PRKCA: variants seen among roughly 807,000 people sequenced by gnomAD.
PRKCA encodes protein kinase C alpha type.
PRKCA carries 27 observed loss-of-function variants against 87.0 expected under a neutral mutation model. The observed-to-expected ratio is 0.31, with a 90% CI of 0.23 to 0.43. The LOEUF (loss-of-function observed/expected upper bound fraction) is 0.43. Ranked by LOEUF, PRKCA falls within the 20% of genes least tolerant of loss-of-function variation. The probability of loss-of-function intolerance (pLI) is 1.00; values close to 1 mark genes in which losing one functional copy is unlikely to be tolerated. For synonymous variants in PRKCA, 329 were observed against 311.1 expected, an observed-to-expected ratio of 1.06 and a Z score of -0.61; for missense variants, 518 against 852.3, an observed-to-expected ratio of 0.61 and a Z score of 4.88.
intron 3 of PRKCA, among the ~76,000 whole-genome samples, chr17:66,591,945 G>A (rs544980685): frequency 2.6e-4 from 40 of 152,272 alleles, no homozygotes; most frequent in Middle Eastern, 3.4e-3. Flanking sequence ...GTTCTAGAAC[G>A]TTAGACCCAA....
intron 3 of PRKCA, among the ~76,000 whole-genome samples, chr17:66,560,067 T>C (rs1295479434): frequency 6.6e-6 from 1 of 152,162 alleles, no homozygotes; most frequent in East Asian, 1.9e-4. Context: ...AGTTGGGATG[T>C]TGGCTATTCC....
intron 3 of PRKCA, among the ~76,000 whole-genome samples, chr17:66,548,900 C>T (rs992457690): frequency 2.6e-5 from 4 of 151,990 alleles, no homozygotes; most frequent in Non-Finnish European, 5.9e-5. Context: ...CTCCGCCTCC[C>T]GGGCTCAAGC....
intron 2 of PRKCA, among the ~76,000 whole-genome samples, chr17:66,409,704 C>T (rs941853411): frequency 2.6e-5 from 4 of 152,080 alleles, no homozygotes; most frequent in Non-Finnish European, 5.9e-5. Context: ...CCGAGGTGGG[C>T]GGATCACAAG....
intron 2 of PRKCA, among the ~76,000 whole-genome samples, chr17:66,378,075 C>T (rs901963869): frequency 5.3e-5 from 8 of 152,166 alleles, no homozygotes; most frequent in Admixed American, 1.3e-4. Context: ...GTAATCCCAG[C>T]ACTTTGGGAG....
intron 5 of PRKCA, among the ~76,000 whole-genome samples, chr17:66,663,319 T>C (rs1971957393): frequency 6.6e-6 from 1 of 152,214 alleles, no homozygotes; most frequent in Non-Finnish European, 1.5e-5. Context: ...AACCAATAAA[T>C]ATTTTTGTCT....
intron 8 of PRKCA, among the ~76,000 whole-genome samples, chr17:66,720,592 T>C (rs1165297865): frequency 1.3e-5 from 2 of 152,232 alleles, no homozygotes; most frequent in Admixed American, 6.5e-5. Context: ...AGAGGTATGA[T>C]GCTGTGCTGG....
chr17:66,611,768 T>C (rs970498413), intron 3 of PRKCA, among the ~76,000 whole-genome samples: 10 of 152,192 alleles, frequency 6.6e-5, no homozygotes, highest in Non-Finnish European at 1.5e-4. Flanking sequence ...GGTTACACCA[T>C]TTTATGGTTC....
At chr17:66,533,724 G>T (rs941353925) in intron 3 of PRKCA, among the ~76,000 whole-genome samples, 4 of 152,130 alleles carry the variant, frequency 2.6e-5, no homozygotes, top group Admixed American at 6.5e-5. Flanking sequence ...GGCAGACCCC[G>T]TTCCTTTTGC....
At chr17:66,751,271 G>A (rs1255745448) in intron 13 of PRKCA, among the ~76,000 whole-genome samples, 1 of 152,206 alleles carries the variant, frequency 6.6e-6, no homozygotes, top group East Asian at 1.9e-4. Context: ...TAAGGTAAGT[G>A]GTATTATTCA....
chr17:66,709,551 C>T (rs1281184366), intron 8 of PRKCA, among the ~76,000 whole-genome samples: 1 of 151,978 alleles, frequency 6.6e-6, no homozygotes, highest in Admixed American at 6.5e-5. Flanking sequence ...TCAAGTGATC[C>T]ACCCACCTCA....
At chr17:66,593,787 A>G (rs1969886755) in intron 3 of PRKCA, among the ~76,000 whole-genome samples, 1 of 152,170 alleles carries the variant, frequency 6.6e-6, no homozygotes. Context: ...TCTTGGTGTA[A>G]AAGTAAATTT....
chr17:66,319,193 T>C (rs772045292), intron 2 of PRKCA, among the ~76,000 whole-genome samples: 2 of 152,132 alleles, frequency 1.3e-5, no homozygotes, highest in Non-Finnish European at 2.9e-5. Flanking sequence ...ATGAATCTAA[T>C]GAAATGTTGT....
At chr17:66,574,477 T>C (rs1969168762) in intron 3 of PRKCA, among the ~76,000 whole-genome samples, 1 of 152,170 alleles carries the variant, frequency 6.6e-6, no homozygotes, top group African/African-American at 2.4e-5. Flanking sequence ...TAGAACCCTG[T>C]CTAGCACGGA....
chr17:66,741,796 A>G lies in PRKCA; in HGVS notation c.1385+75A>G, dbSNP rs1389781317. 1.4e-5 allele frequency: 21 copies of G among 1,471,118 alleles called. No homozygotes were observed. In the East Asian group the frequency reaches 4.3e-4, roughly 30 times the overall value. The allele number at this position is 1,471,118 out of a possible 1,614,324, so 91.1% of individuals were successfully genotyped here. ...GCCTCTGTGGGCATGTCATTCTGGA[A>G]TGGTGACTTAAGACACAGAGTTGAT... On this transcript the variant is annotated intron_variant, in intron 12 of 16. Coordinates refer to ENST00000413366, the MANE Select transcript of PRKCA (RefSeq NM_002737.3).
chr17:66,642,699 A>C (rs1971334741), intron 4 of PRKCA, among the ~76,000 whole-genome samples: 1 of 152,218 alleles, frequency 6.6e-6, no homozygotes, highest in Non-Finnish European at 1.5e-5. Flanking sequence ...CTCAGGACAC[A>C]GGGATTCTTC....
rs369741348 is a variant in PRKCA at position 66,774,140 on chromosome 17, G to A, written c.1605+73G>A. On this transcript the variant is annotated intron_variant, in intron 14 of 16. Coordinates refer to ENST00000413366, the MANE Select transcript of PRKCA (RefSeq NM_002737.3). Reference sequence around the variant, plus strand: ...AATACTTCAGCTCTGGTTGGGCCTCGAGAGCAAGACCTGACGTTTTAGTGC... The same window carrying A: ...AATACTTCAGCTCTGGTTGGGCCTCAAGAGCAAGACCTGACGTTTTAGTGC... 6.2e-6 allele frequency: 10 copies of A among 1,609,964 alleles called. No homozygotes were observed. The East Asian group carries it at 6.7e-5, about 11-fold the overall frequency.
intron 2 of PRKCA, among the ~76,000 whole-genome samples, chr17:66,383,214 G>A (rs1199235046): frequency 6.6e-6 from 1 of 152,026 alleles, no homozygotes; most frequent in African/African-American, 2.4e-5. Context: ...TATTTCTTAA[G>A]GGTAGTATTT....
chr17:66,782,135 A>G (rs1975251323), intron 14 of PRKCA, among the ~76,000 whole-genome samples: 1 of 152,000 alleles, frequency 6.6e-6, no homozygotes, highest in Non-Finnish European at 1.5e-5. Flanking sequence ...GCTGGTCTCA[A>G]ACTCTTGACC....
At chr17:66,740,247 G>T (rs1243296746) in intron 11 of PRKCA, among the ~76,000 whole-genome samples, 1 of 152,088 alleles carries the variant, frequency 6.6e-6, no homozygotes, top group Non-Finnish European at 1.5e-5. Context: ...GAAGACGTGG[G>T]CTCCAGGTGA....
Sources: allele counts gnomAD v4.1 joint callset (sites outside exome capture counted in the v4.1 genomes callset), GRCh38; gene constraint gnomAD v4.1.1; transcripts MANE v1.5; gene names NCBI Gene and HGNC (gene_info 2026-07-23, HGNC 2026-07-21).